MIB1: variants seen among roughly 807,000 people sequenced by gnomAD.
MIB1 encodes E3 ubiquitin-protein ligase MIB1.
In MIB1, 278 loss-of-function variants were observed where a neutral mutation model predicts 124.5. The observed-to-expected ratio is 2.23, with a 90% CI of 2.02 to 2.47. The LOEUF (loss-of-function observed/expected upper bound fraction) is 2.47. MIB1 is among the 30% of genes most tolerant of loss of function. MIB1 has a pLI of 0.00. For synonymous variants in MIB1, 446 were observed against 429.4 expected (o/e 1.04, Z -0.48); for missense variants, 957 against 1,254.4 (o/e 0.76, Z 3.58).
intron 12 of MIB1, among the ~76,000 whole-genome samples, chr18:21,835,840 A>ACACACACACACAAACAC (rs1555695330): frequency 0.051 from 5,520 of 107,920 alleles, 327 homozygotes; most frequent in East Asian, 0.079. Flanking sequence ...CACACACACA[A>ACACACACACACAAACAC]ACACACACGA....
chr18:21,824,953 A>G (rs139108306), intron 12 of MIB1, among the ~76,000 whole-genome samples: 2 of 152,238 alleles, frequency 1.3e-5, no homozygotes, highest in African/African-American at 4.8e-5. Flanking sequence ...TATAAGGGAC[A>G]AAGAAGACAG....
At chr18:21,713,969 A>C (rs2040677403) in intron 1 of MIB1, among the ~76,000 whole-genome samples, 1 of 152,174 alleles carries the variant, frequency 6.6e-6, no homozygotes, top group Non-Finnish European at 1.5e-5. Flanking sequence ...AATTTGGAGA[A>C]AATTTTTAAT....
At chr18:21,756,974 A>G (rs2041039457) in intron 1 of MIB1, among the ~76,000 whole-genome samples, 1 of 152,190 alleles carries the variant, frequency 6.6e-6, no homozygotes, top group Non-Finnish European at 1.5e-5. Flanking sequence ...TGTCTAACAG[A>G]AAAGGTATGA....
chr18:21,803,801 C>A lies in MIB1; in HGVS notation c.1372-106C>A, dbSNP rs377697692. The A allele has an allele frequency of 7.8e-5, 56 of 720,224 alleles. 1 individual carries two copies. In the East Asian group the frequency reaches 1.5e-3, roughly 19 times the overall value. The allele number at this position is 720,224 out of a possible 1,614,324, so 44.6% of individuals were successfully genotyped here. A position where few individuals can be genotyped will look rare whatever the true frequency, so the allele number is the denominator to read the frequency against. Reference sequence around the variant, plus strand: ...ATATGGAACACCAACCTAAATTATTCTCGTGGAATCATACAGTATACTAGA... The same window carrying A: ...ATATGGAACACCAACCTAAATTATTATCGTGGAATCATACAGTATACTAGA... On this transcript the variant is annotated intron_variant, in intron 9 of 20. Coordinates refer to ENST00000261537, the MANE Select transcript of MIB1 (RefSeq NM_020774.4).
chr18:21,817,311 G>A (rs867509129), intron 11 of MIB1, among the ~76,000 whole-genome samples: 1 of 151,818 alleles, frequency 6.6e-6, no homozygotes, highest in African/African-American at 2.4e-5. Context: ...GCCATGCCTG[G>A]CTAATTTTTT....
chr18:21,742,511 C>T (rs1479552412), intron 1 of MIB1, among the ~76,000 whole-genome samples: 1 of 152,200 alleles, frequency 6.6e-6, no homozygotes, highest in Middle Eastern at 3.4e-3. Flanking sequence ...ACACTAACGT[C>T]CGTCTCAGTA....
chr18:21,827,085 A>G (rs966517752), intron 12 of MIB1: 1 of 152,132 alleles, frequency 6.6e-6, no homozygotes, highest in Non-Finnish European at 1.5e-5. Context: ...TATCGGGGCA[A>G]GGAGAGGCCA....
intron 7 of MIB1, among the ~76,000 whole-genome samples, chr18:21,792,182 T>TTCCTCCTCCACCTTGCTGTG (rs2041512491): frequency 6.6e-6 from 1 of 152,088 alleles, no homozygotes; most frequent in African/African-American, 2.4e-5. Flanking sequence ...TCTGTTTCCC[T>TTCCTCCTCCACCTTGCTGTG]TCCTCCTCCA....
At position 21,784,665 on chromosome 18, in the gene MIB1, A is replaced by G. The variant is rs1234997492; in HGVS notation, c.908+4980A>G. 3.3e-5 allele frequency among the ~76,000 whole-genome samples: 5 copies of G among 152,222 alleles called. No homozygotes were observed. The South Asian group carries it at 1.0e-3, about 32-fold the overall frequency. On this transcript the variant is annotated intron_variant, in intron 6 of 20. Transcript: ENST00000261537. ...AGGAAAGACCAGGCTATACAGATAT[A>G]GGAGCTGAAGGGACATGGTGAGAAG...
chr18:21,829,622 T>C (rs2041960278), intron 12 of MIB1, among the ~76,000 whole-genome samples: 4 of 152,142 alleles, frequency 2.6e-5, no homozygotes, highest in African/African-American at 9.6e-5. Context: ...TTTTAAAGAT[T>C]ATGAATTTTT....
intron 12 of MIB1, 93 bp from the exon 13 acceptor site, chr18:21,838,272 C>A: frequency 1.3e-6 from 1 of 774,798 alleles, no homozygotes; most frequent in Non-Finnish European, 1.9e-6. Context: ...GCATTTTTTT[C>A]TTTAAAGAGG....
At chr18:21,830,887 A>G (rs1025960622) in intron 12 of MIB1, 29 of 152,164 alleles carry the variant, frequency 1.9e-4, no homozygotes, top group African/African-American at 7.0e-4. Context: ...AAACAAAAAC[A>G]AAAACAAAAA....
intron 6 of MIB1, among the ~76,000 whole-genome samples, chr18:21,781,658 G>T (rs993407568): frequency 6.6e-6 from 1 of 151,208 alleles, no homozygotes; most frequent in African/African-American, 2.4e-5. Context: ...CAAGTGATCC[G>T]CCCACCTTGG....
intron 4 of MIB1, among the ~76,000 whole-genome samples, chr18:21,777,550 ATT>A (rs1220754540): frequency 1.3e-5 from 2 of 151,818 alleles, no homozygotes; most frequent in Non-Finnish European, 2.9e-5. Flanking sequence ...CAGACATTTT[ATT>A]TTATTTATTT....
intron 13 of MIB1, among the ~76,000 whole-genome samples, chr18:21,841,243 G>A (rs188184514): frequency 6.8e-4 from 104 of 152,220 alleles, no homozygotes; most frequent in African/African-American, 2.1e-3. Flanking sequence ...GCACGCACCT[G>A]TAGTCCCCAG....
intron 6 of MIB1, 115 bp from the exon 7 acceptor site, chr18:21,791,259 C>A: frequency 2.9e-6 from 2 of 683,320 alleles, no homozygotes; most frequent in South Asian, 5.1e-5. Context: ...AAACACAAAT[C>A]ATTCAGGATA....
Position 21,771,179 on chromosome 18 carries a change from G to A in MIB1, c.531+2427G>A, listed in dbSNP as rs1176691130. ...TGGTTTTAACAGCTGTTCCTTACAT[G>A]TGAAATTACTGTAGTTATTTTCTTA... On this transcript the variant is annotated intron_variant, in intron 3 of 20. Transcript: ENST00000261537. 2.0e-5 allele frequency among the ~76,000 whole-genome samples: 3 copies of A among 152,148 alleles called. No individual in the cohort carries two copies. The East Asian group carries it at 5.8e-4, about 29-fold the overall frequency.
chr18:21,726,732 G>T (rs1337752634), intron 1 of MIB1, among the ~76,000 whole-genome samples: 1 of 152,116 alleles, frequency 6.6e-6, no homozygotes, highest in Non-Finnish European at 1.5e-5. Context: ...TTAGTCCCTG[G>T]AACATTATTA....
At chr18:21,829,218 G>C in intron 12 of MIB1, 1 of 341,076 alleles carries the variant, frequency 2.9e-6, no homozygotes, top group Non-Finnish European at 5.6e-6. Flanking sequence ...ACTAAATTTT[G>C]TAACAAGTTT....
Sources: gnomAD v4.1 joint callset for allele counts (sites outside exome capture counted in the v4.1 genomes callset) on GRCh38, gnomAD v4.1.1 for gene constraint, MANE v1.5 for transcripts, NCBI Gene and HGNC (gene_info 2026-07-23, HGNC 2026-07-21) for gene names.